Variants in RNF38 observed in about 807,000 individuals in gnomAD.
The protein encoded by RNF38 is ring finger protein 38.
RNF38 carries 15 observed loss-of-function variants against 67.2 expected under a neutral mutation model. The observed-to-expected ratio is 0.22, with a 90% CI of 0.15 to 0.34. The LOEUF (loss-of-function observed/expected upper bound fraction) is 0.34, where lower values mean the gene tolerates loss of function less well. Among genes scored for constraint, RNF38 ranks in the 10% least tolerant of loss-of-function variants. The pLI, the probability that RNF38 is intolerant of heterozygous loss-of-function variation, is 1.00. For synonymous variants in RNF38, 220 were observed against 218.8 expected (o/e 1.01, Z -0.05); for missense variants, 524 against 639.9 (o/e 0.82, Z 1.95).
chr9:36,465,775 G>A (rs1351772996), intron 1 of RNF38, among the ~76,000 whole-genome samples: 6 of 152,150 alleles, frequency 3.9e-5, no homozygotes, highest in Non-Finnish European at 8.8e-5. Flanking sequence ...TGCTGGCCGG[G>A]CGCGGTGGCT....
At chr9:36,459,027 G>A (rs1839660598) in intron 1 of RNF38, among the ~76,000 whole-genome samples, 1 of 152,032 alleles carries the variant, frequency 6.6e-6, no homozygotes, top group African/African-American at 2.4e-5. Flanking sequence ...GGCCAACATG[G>A]TGAAACCCTG....
chr9:36,352,070 T>C (rs147864372), intron 8 of RNF38, among the ~76,000 whole-genome samples: 2,547 of 152,238 alleles, frequency 0.017, 37 homozygotes, highest in Non-Finnish European at 0.023. Flanking sequence ...GAGGGTAAGA[T>C]GGGCGGATCA....
At chr9:36,356,162 A>G in intron 6 of RNF38, 141 bp downstream of exon 6, 1 of 811,976 alleles carries the variant, frequency 1.2e-6, no homozygotes, top group East Asian at 2.7e-5. Context: ...ACTATGTTTA[A>G]GCATGCCATT....
chr9:36,433,947 A>G (rs947460481), intron 1 of RNF38, among the ~76,000 whole-genome samples: 3 of 151,942 alleles, frequency 2.0e-5, no homozygotes, highest in African/African-American at 4.8e-5. Flanking sequence ...AAAAATACTT[A>G]TAACTTTTAG....
upstream of RNF38, chr9:36,401,075 C>A (rs955926151): frequency 2.0e-6 from 2 of 984,970 alleles, no homozygotes; most frequent in Non-Finnish European, 2.4e-6. Flanking sequence ...CCCGTCCCAC[C>A]CCGTCCCCTC....
rs1314079735 is a variant in RNF38, at chr9:36,474,643, A to G, written n.241+12665T>C. On this transcript the variant is annotated intron_variant and non_coding_transcript_variant, in intron 1 of 3. Transcript: ENST00000488058. ...CTCCAGTTTCATCTGTACAATAAGT[A>G]TAATATGAGTCCCTTAGGGGACTGC... is the stretch of plus-strand genomic sequence containing the variant. 2.0e-5 allele frequency among the ~76,000 whole-genome samples: 3 copies of G among 148,630 alleles called. No individual in the cohort carries two copies. The East Asian group carries it at 6.6e-4, about 33-fold the overall frequency.
chr9:36,391,302 A>G (rs776258084), intron 1 of RNF38, among the ~76,000 whole-genome samples: 2 of 152,178 alleles, frequency 1.3e-5, no homozygotes, highest in Admixed American at 1.3e-4. Context: ...AGTTATCTAC[A>G]AAAATTAAAA....
At chr9:36,345,164 G>A (rs1342887812) in intron 9 of RNF38, among the ~76,000 whole-genome samples, 2 of 151,982 alleles carry the variant, frequency 1.3e-5, no homozygotes, top group Admixed American at 6.6e-5. Flanking sequence ...CTACAATTGC[G>A]TACCACTGCA....
chr9:36,475,383 G>A (rs1014673450), intron 1 of RNF38, among the ~76,000 whole-genome samples: 1 of 151,858 alleles, frequency 6.6e-6, no homozygotes, highest in Non-Finnish European at 1.5e-5. Context: ...GTGTAAGACA[G>A]AGTCTCCCTC....
intron 2 of RNF38, among the ~76,000 whole-genome samples, chr9:36,415,471 G>A (rs564576333): frequency 6.6e-6 from 1 of 151,962 alleles, no homozygotes; most frequent in Non-Finnish European, 1.5e-5. Context: ...AAGATCTGGG[G>A]CTCAATAGCT....
At chr9:36,461,912 C>T (rs139280974) in intron 1 of RNF38, among the ~76,000 whole-genome samples, 1 of 152,090 alleles carries the variant, frequency 6.6e-6, no homozygotes, top group South Asian at 2.1e-4. Context: ...ATATTTAAAT[C>T]CTTGGGAACA....
At chr9:36,481,853 AT>A (rs1255442824) in intron 1 of RNF38, among the ~76,000 whole-genome samples, 1 of 152,160 alleles carries the variant, frequency 6.6e-6, no homozygotes, top group African/African-American at 2.4e-5. Context: ...CAACCACTTA[AT>A]GGAAAATACA....
chr9:36,428,899 G>C (rs1181793453), intron 1 of RNF38, among the ~76,000 whole-genome samples: 1 of 152,152 alleles, frequency 6.6e-6, no homozygotes, highest in African/African-American at 2.4e-5. Context: ...CAGCCCAGTA[G>C]AGAGCATTTG....
At chr9:36,435,251 A>G (rs937572212) in intron 1 of RNF38, among the ~76,000 whole-genome samples, 1 of 152,222 alleles carries the variant, frequency 6.6e-6, no homozygotes, top group South Asian at 2.1e-4. Flanking sequence ...CCATGCGAAT[A>G]TATTACCTAT....
At chr9:36,453,048 T>C (rs929338100) in intron 1 of RNF38, among the ~76,000 whole-genome samples, 3 of 152,268 alleles carry the variant, frequency 2.0e-5, no homozygotes, top group Non-Finnish European at 4.4e-5. Context: ...ACAGTAATTC[T>C]ATATTAAACT....
intron 1 of RNF38, among the ~76,000 whole-genome samples, chr9:36,478,678 G>A (rs906565483): frequency 5.9e-5 from 9 of 151,616 alleles, no homozygotes; most frequent in Non-Finnish European, 1.0e-4. Flanking sequence ...TTAGCCAGGC[G>A]TGGTGGCTCA....
intron 1 of RNF38, among the ~76,000 whole-genome samples, chr9:36,397,081 G>A (rs1395236800): frequency 1.4e-5 from 2 of 141,648 alleles, no homozygotes; most frequent in Non-Finnish European, 3.1e-5. Context: ...ATGTGTGTGT[G>A]TATATATATA....
chr9:36,442,364 T>A (rs1839210693), intron 1 of RNF38, among the ~76,000 whole-genome samples: 1 of 152,096 alleles, frequency 6.6e-6, no homozygotes, highest in African/African-American at 2.4e-5. Context: ...TTAAATAAAA[T>A]CCCTTCCCTC....
chr9:36,407,291 T>C (rs1324343124), intron 2 of RNF38, among the ~76,000 whole-genome samples: 2 of 152,274 alleles, frequency 1.3e-5, no homozygotes, highest in East Asian at 1.9e-4. Flanking sequence ...TAGCCACTTA[T>C]CCAGCTTTGA....
Sources: gnomAD v4.1 joint callset for allele counts (sites outside exome capture counted in the v4.1 genomes callset) on GRCh38, gnomAD v4.1.1 for gene constraint, MANE v1.5 for transcripts, NCBI Gene and HGNC (gene_info 2026-07-23, HGNC 2026-07-21) for gene names.